The following GALNT16 variants were observed in gnomAD, a reference collection of about 807,000 sequenced individuals.
GALNT16 encodes the protein polypeptide N-acetylgalactosaminyltransferase 16.
A neutral mutation model predicts 76.1 loss-of-function variants in GALNT16; 40 were observed. The observed-to-expected ratio is 0.53, with a 90% CI of 0.41 to 0.68. The LOEUF is 0.68. Among genes scored for constraint, GALNT16 ranks in the 30% least tolerant of loss-of-function variants. The pLI is 0.00. For synonymous variants in GALNT16, 276 were observed against 285.2 expected, an observed-to-expected ratio of 0.97 and a Z score of 0.32; for missense variants, 621 against 731.9, an observed-to-expected ratio of 0.85 and a Z score of 1.75.
chr14:69,352,370 C>A lies in GALNT16; in HGVS notation c.*202C>A. The A allele has an allele frequency of 1.8e-6, 1 of 571,408 alleles. No individual in the cohort carries two copies. Among genetic ancestry groups the A allele is most frequent in the Non-Finnish European group, 3.1e-6 (1 of 326,000 alleles). 35.4% of individuals were successfully genotyped at this position (571,408 alleles called of 1,614,324 possible). On this transcript the variant is annotated 3_prime_UTR_variant, in exon 15 of 15. Coordinates refer to ENST00000448469, the MANE Select transcript of GALNT16 (RefSeq NM_001168368.2). ...CACGCCCCGATGCCCTCAGTGCTGT[C>A]CTGGCCTTGCCCCGGGAGAGGAGAT... is the stretch of plus-strand genomic sequence containing the variant.
intron 14 of GALNT16, 111 bp from the exon 15 acceptor site, chr14:69,351,920 T>C: frequency 1.0e-6 from 1 of 996,320 alleles, no homozygotes; most frequent in Non-Finnish European, 1.5e-6. Flanking sequence ...GGGGGATGTG[T>C]CCTAGTTATA....
chr14:69,338,797 G>T lies in GALNT16; in HGVS notation c.1094+20G>T. 2 of 1,600,646 alleles carry T rather than the reference G, an allele frequency of 1.2e-6. No homozygotes were observed. The highest frequency in any genetic ancestry group is 1.7e-6 in the Non-Finnish European group (2 of 1,171,714). On this transcript the variant is annotated intron_variant, in intron 10 of 14. Coordinates refer to ENST00000448469, the MANE Select transcript of GALNT16 (RefSeq NM_001168368.2). Reference sequence around the variant, plus strand: ...CATCAGGTAGGTCACCGAGAAAGGAGCACGGGACTCAGAGGAGGACACCAA... The same window carrying T: ...CATCAGGTAGGTCACCGAGAAAGGATCACGGGACTCAGAGGAGGACACCAA...
At chr14:69,284,364 C>G (rs1207743097) in intron 1 of GALNT16, among the ~76,000 whole-genome samples, 2 of 152,206 alleles carry the variant, frequency 1.3e-5, no homozygotes, top group East Asian at 1.9e-4. Context: ...AGGAGGCACT[C>G]CCAGCAGCGT....
chr14:69,317,217 C>T (rs1437724817), intron 1 of GALNT16, among the ~76,000 whole-genome samples: 1 of 152,212 alleles, frequency 6.6e-6, no homozygotes, highest in African/African-American at 2.4e-5. Flanking sequence ...CATTTACTCC[C>T]TCGCCAATAC....
chr14:69,377,301 A>G, the GALNT16 span, among the ~76,000 whole-genome samples: 1 of 152,172 alleles, frequency 6.6e-6, no homozygotes, highest in Non-Finnish European at 1.5e-5. Flanking sequence ...TCATCTAGCA[A>G]AATTTTGGTA....
chr14:69,260,240 C>T lies in GALNT16; in HGVS notation c.-51C>T. On this transcript the variant is annotated 5_prime_UTR_variant, in exon 1 of 15. Transcript: ENST00000448469. ...GGGCTGCGAGCGCCCCCGCCCCGGCCCCGAGAGCACGCCGGCCCAGTCCCC... is the reference window on the plus strand; with the variant it reads ...GGGCTGCGAGCGCCCCCGCCCCGGCTCCGAGAGCACGCCGGCCCAGTCCCC... 1 of 1,540,424 alleles carries T rather than the reference C, an allele frequency of 6.5e-7. No individual in the cohort carries two copies.
chr14:69,311,040 G>T (rs2045012905), intron 1 of GALNT16, among the ~76,000 whole-genome samples: 1 of 152,158 alleles, frequency 6.6e-6, no homozygotes, highest in African/African-American at 2.4e-5. Flanking sequence ...CTTATTGAGG[G>T]GACAGGTCAC....
intron 9 of GALNT16, among the ~76,000 whole-genome samples, chr14:69,336,682 A>G (rs2045418955): frequency 6.6e-6 from 1 of 151,088 alleles, no homozygotes; most frequent in African/African-American, 2.4e-5. Context: ...CTACCATCTG[A>G]TATGCTGTAT....
rs556443351 is a variant in GALNT16, at chr14:69,269,810, T to TGTG, written c.177+9343_177+9344insGTG. Among the ~76,000 whole-genome samples, 238 of 144,588 alleles carry TGTG rather than the reference T, an allele frequency of 1.6e-3. 3 individuals carry two copies. The highest frequency in any genetic ancestry group is 6.4e-3 in the African/African-American group (230 of 35,968). The allele number at this position is 144,588 out of a possible 152,430, so 94.9% of individuals were successfully genotyped here. A position where few individuals can be genotyped will look rare whatever the true frequency, so the allele number is the denominator to read the frequency against. ...TGTGTGTCTGTGTGCATTTGTGTGT[T>TGTG]TGTGTGTGTGTGTGTATGATGTATG... On this transcript the variant is annotated intron_variant, in intron 1 of 14. Transcript: ENST00000448469.
downstream of GALNT16, chr14:69,356,951 G>A (rs968794056): frequency 6.6e-6 from 1 of 152,166 alleles, no homozygotes; most frequent in African/African-American, 2.4e-5. Flanking sequence ...TGTGAAGCCT[G>A]ATCGCAAAGC....
chr14:69,326,465 C>T (rs1488324108), intron 5 of GALNT16, among the ~76,000 whole-genome samples: 1 of 152,214 alleles, frequency 6.6e-6, no homozygotes, highest in Non-Finnish European at 1.5e-5. Context: ...AAGCATAGTC[C>T]CTGCCCTCGG....
At chr14:69,269,191 G>A (rs1443923170) in intron 1 of GALNT16, among the ~76,000 whole-genome samples, 4 of 152,256 alleles carry the variant, frequency 2.6e-5, no homozygotes, top group Non-Finnish European at 5.9e-5. Flanking sequence ...TGGTTCCTAA[G>A]GAGGTAAGTG....
In GALNT16 at chr14:69,260,409, C is replaced by G; in HGVS notation, c.119C>G (p.Ala40Gly). 6.2e-7 allele frequency: 1 copy of G among 1,602,184 alleles called. No individual in the cohort carries two copies. Among genetic ancestry groups the G allele is most frequent in the Non-Finnish European group, 8.5e-7 (1 of 1,174,044 alleles). Reference sequence around the variant, plus strand: ...GCAGCATCCTCCGGCGGCCGGGGCGCGCAGAGGGCAGGCAGGAGGTCGGAG... The same window carrying G: ...GCAGCATCCTCCGGCGGCCGGGGCGGGCAGAGGGCAGGCAGGAGGTCGGAG... ...AHAASSGGRG[A>G]QRAGRRSEQL... Residue 40 changes from alanine to glycine, a missense_variant, in exon 1 of 15, where the codon GCG (alanine) becomes GGG (glycine). Ala to Gly is a moderately conservative substitution (Grantham distance 60). Transcript: ENST00000448469.
intron 1 of GALNT16, among the ~76,000 whole-genome samples, chr14:69,267,781 C>T (rs1890939): frequency 6.6e-6 from 1 of 151,798 alleles, no homozygotes; most frequent in Non-Finnish European, 1.5e-5. Flanking sequence ...AGTCCCACTC[C>T]CTGGACCTTA....
At chr14:69,338,497 C>T (rs1278047865) in intron 9 of GALNT16, among the ~76,000 whole-genome samples, 154 bp from the exon 10 acceptor site, 3 of 152,172 alleles carry the variant, frequency 2.0e-5, no homozygotes, top group Non-Finnish European at 4.4e-5. Flanking sequence ...GGAACCTGTG[C>T]AAGGAGTGGG....
At chr14:69,262,521 C>A (rs1426957470) in intron 1 of GALNT16, among the ~76,000 whole-genome samples, 1 of 152,182 alleles carries the variant, frequency 6.6e-6, no homozygotes, top group African/African-American at 2.4e-5. Context: ...GAAAAGGTCT[C>A]AGAGCGGGAA....
intron 1 of GALNT16, among the ~76,000 whole-genome samples, chr14:69,305,724 A>T (rs886412705): frequency 6.6e-5 from 10 of 151,100 alleles, no homozygotes; most frequent in African/African-American, 2.4e-4. Flanking sequence ...CAGTCTTTTC[A>T]CTCTGTTGAT....
At chr14:69,367,070 G>A in the GALNT16 span, among the ~76,000 whole-genome samples, 16 of 152,272 alleles carry the variant, frequency 1.1e-4, no homozygotes, top group Non-Finnish European at 2.1e-4. Context: ...GAAGGTATAA[G>A]AGGCATGGAG....
the GALNT16 span, among the ~76,000 whole-genome samples, chr14:69,369,182 G>A: frequency 4.6e-5 from 7 of 152,142 alleles, no homozygotes; most frequent in African/African-American, 1.4e-4. Flanking sequence ...GAAGGCACTG[G>A]GGTTCTGATT....
Sources: gnomAD v4.1 joint callset for allele counts (sites outside exome capture counted in the v4.1 genomes callset) on GRCh38, gnomAD v4.1.1 for gene constraint, MANE v1.5 for transcripts, NCBI Gene and HGNC (gene_info 2026-07-23, HGNC 2026-07-21) for gene names.